The following PRR11 variants were observed in gnomAD, a reference collection of about 807,000 sequenced individuals.
The protein encoded by PRR11 is proline-rich protein 11.
In PRR11, 30 loss-of-function variants were observed where a neutral mutation model predicts 45.6. The ratio of observed to expected loss-of-function variants is 0.66; its 90% confidence interval spans 0.49 to 0.89. The LOEUF is 0.89. PRR11 is among the 40% of genes least tolerant of loss of function. The pLI, the probability that PRR11 is intolerant of heterozygous loss-of-function variation, is 0.00. For synonymous variants in PRR11, 128 were observed against 153.5 expected, an observed-to-expected ratio of 0.83 and a Z score of 1.23; for missense variants, 373 against 424.8, an observed-to-expected ratio of 0.88 and a Z score of 1.07.
intron 7 of PRR11, 69 bp from the exon 8 acceptor site, chr17:59,197,475 T>C: frequency 7.3e-7 from 1 of 1,364,888 alleles, no homozygotes; most frequent in Non-Finnish European, 1.0e-6. Flanking sequence ...ATGGTCTTGA[T>C]CTCCTGACCT....
At chr17:59,162,740 T>C (rs891140343) in intron 1 of PRR11, among the ~76,000 whole-genome samples, 18 of 151,110 alleles carry the variant, frequency 1.2e-4, no homozygotes, top group Non-Finnish European at 3.0e-5. Flanking sequence ...TTTTTTTTTT[T>C]TTTTTGAGAC....
intron 1 of PRR11, 74 bp from the exon 2 acceptor site, chr17:59,169,674 A>G: frequency 5.3e-6 from 7 of 1,319,396 alleles, no homozygotes; most frequent in Non-Finnish European, 6.1e-6. Flanking sequence ...CATTAACTAT[A>G]CACTTAAGAT....
chr17:59,176,597 C>T (rs1362243869), intron 2 of PRR11, among the ~76,000 whole-genome samples: 1 of 151,080 alleles, frequency 6.6e-6, no homozygotes, highest in Non-Finnish European at 1.5e-5. Flanking sequence ...TCCTTTGCTC[C>T]TTTTCTTCTC....
chr17:59,186,453 T>C (rs988354246), intron 4 of PRR11, among the ~76,000 whole-genome samples: 27 of 139,310 alleles, frequency 1.9e-4, no homozygotes, highest in Non-Finnish European at 3.7e-4. Context: ...TAGAGTGCAG[T>C]GGCATGATCA....
At chr17:59,187,945 C>G (rs2046822087) in intron 4 of PRR11, among the ~76,000 whole-genome samples, 1 of 151,588 alleles carries the variant, frequency 6.6e-6, no homozygotes, top group East Asian at 1.9e-4. Flanking sequence ...AACAAAATGT[C>G]TTTATTTTAG....
intron 2 of PRR11, among the ~76,000 whole-genome samples, chr17:59,184,662 G>C (rs960266297): frequency 3.3e-5 from 5 of 152,090 alleles, no homozygotes; most frequent in Non-Finnish European, 7.4e-5. Context: ...AACCGCCAGA[G>C]CTGGGTGGGT....
At chr17:59,174,357 G>A (rs187037025) in intron 2 of PRR11, among the ~76,000 whole-genome samples, 67 of 152,344 alleles carry the variant, frequency 4.4e-4, no homozygotes, top group Non-Finnish European at 8.7e-4. Flanking sequence ...TCATGATGAA[G>A]TCTCATGCTC....
intron 9 of PRR11, among the ~76,000 whole-genome samples, chr17:59,198,257 C>T (rs1197539217): frequency 1.3e-5 from 2 of 151,776 alleles, no homozygotes; most frequent in East Asian, 2.0e-4. Context: ...TAGGATTGGC[C>T]GGGCACAGTG....
Position 59,185,032 on chromosome 17 carries a change from T to C in PRR11, c.129-22T>C, listed in dbSNP as rs200079366. 5.8e-5 allele frequency: 94 copies of C among 1,607,536 alleles called. No homozygotes were observed. The African/African-American group carries it at 1.2e-3, about 21-fold the overall frequency. On this transcript the variant is annotated intron_variant, in intron 2 of 9. Coordinates refer to ENST00000262293, the MANE Select transcript of PRR11 (RefSeq NM_018304.4). ...TTCTGACTTAGGGGTTTTTTATTTG[T>C]TTCATTTTGTTTTTCCTACAGAGTC...
chr17:59,201,927 C>A lies in PRR11; in HGVS notation c.*296C>A. ...CAGAGGTTGCAGTGAGCCAAGATCGCGTCATTGCACTCCAGCCTGAGCAAC... is the reference window on the plus strand; with the variant it reads ...CAGAGGTTGCAGTGAGCCAAGATCGAGTCATTGCACTCCAGCCTGAGCAAC... On this transcript the variant is annotated 3_prime_UTR_variant, in exon 10 of 10. Coordinates refer to ENST00000262293, the MANE Select transcript of PRR11 (RefSeq NM_018304.4). 3.3e-6 allele frequency: 1 copy of A among 305,134 alleles called. No homozygotes were observed. Among genetic ancestry groups the A allele is most frequent in the Non-Finnish European group, 6.3e-6 (1 of 157,824 alleles). The allele number at this position is 305,134 out of a possible 1,614,324, so 18.9% of individuals were successfully genotyped here.
At chr17:59,166,694 G>T (rs185213907) in intron 1 of PRR11, among the ~76,000 whole-genome samples, 1 of 151,960 alleles carries the variant, frequency 6.6e-6, no homozygotes, top group African/African-American at 2.4e-5. Flanking sequence ...AAAAATATTT[G>T]TTACATTCTT....
intron 4 of PRR11, among the ~76,000 whole-genome samples, chr17:59,187,926 A>G (rs144009915): frequency 6.6e-6 from 1 of 152,020 alleles, no homozygotes; most frequent in African/African-American, 2.4e-5. Context: ...CTCAAAGAAT[A>G]TTTGCATAAA....
At chr17:59,196,919 G>A (rs570573424) in intron 7 of PRR11, among the ~76,000 whole-genome samples, 19 of 151,390 alleles carry the variant, frequency 1.3e-4, no homozygotes, top group Non-Finnish European at 2.4e-4. Context: ...GCACAAGCTC[G>A]GCTCACTACA....
chr17:59,185,016 A>AG (rs1227945152), intron 2 of PRR11, 38 bp from the exon 3 acceptor site: 1 of 1,592,822 alleles, frequency 6.3e-7, no homozygotes, highest in Non-Finnish European at 8.6e-7. Context: ...ATTCTGACTT[A>AG]GGGGTTTTTT....
chr17:59,171,468 A>G (rs907893153), intron 2 of PRR11, among the ~76,000 whole-genome samples: 5 of 152,174 alleles, frequency 3.3e-5, no homozygotes, highest in Non-Finnish European at 7.4e-5. Context: ...ACATGTAACC[A>G]TAGATACAAA....
rs1050355999 is a variant in PRR11, at chr17:59,202,921, T to A, written c.*1290T>A. On this transcript the variant is annotated 3_prime_UTR_variant, in exon 10 of 10. Transcript: ENST00000262293. ...CACACCTGTAGTCTAAGTGTCCAAG[T>A]TACTTGTGAAGCTGAGGTGGGAGGA... The A allele has an allele frequency of 1.1e-4, 16 of 151,996 alleles. No homozygotes were observed. The highest frequency in any genetic ancestry group is 2.1e-4 in the Non-Finnish European group (14 of 67,962). 9.4% of individuals were successfully genotyped at this position (151,996 alleles called of 1,614,324 possible). A position where few individuals can be genotyped will look rare whatever the true frequency, so the allele number is the denominator to read the frequency against.
At chr17:59,173,790 G>A (rs1352557894) in intron 2 of PRR11, among the ~76,000 whole-genome samples, 5 of 152,146 alleles carry the variant, frequency 3.3e-5, no homozygotes, top group East Asian at 1.9e-4. Flanking sequence ...ATTCAGCTCC[G>A]TCTAGAACAG....
rs143267515 is a variant in PRR11, at chr17:59,187,017, C to T, written c.402+1455C>T. On this transcript the variant is annotated intron_variant, in intron 4 of 9. Transcript: ENST00000262293. ...ATCCTGGGCAGAAAGAAAAGGAATACAAATGGTTCTTAAATACATGAGTAG... is the reference window on the plus strand; with the variant it reads ...ATCCTGGGCAGAAAGAAAAGGAATATAAATGGTTCTTAAATACATGAGTAG... Among the ~76,000 whole-genome samples, 365 of 152,114 alleles carry T rather than the reference C, an allele frequency of 2.4e-3. 1 individual carries two copies. Among genetic ancestry groups the T allele is most frequent in the African/African-American group, 8.4e-3 (347 of 41,498 alleles).
At chr17:59,163,570 G>A (rs1301423122) in intron 1 of PRR11, 1 of 152,114 alleles carries the variant, frequency 6.6e-6, no homozygotes, top group Non-Finnish European at 1.5e-5. Context: ...AACACACTAG[G>A]CAGTTTATCT....
Sources: allele counts gnomAD v4.1 joint callset (sites outside exome capture counted in the v4.1 genomes callset), GRCh38; gene constraint gnomAD v4.1.1; transcripts MANE v1.5; gene names NCBI Gene and HGNC (gene_info 2026-07-23, HGNC 2026-07-21).